The following ENTR1 variants were observed in gnomAD, a reference collection of about 807,000 sequenced individuals.
The protein encoded by ENTR1 is endosome associated trafficking regulator 1, also known as endosome-associated-trafficking regulator 1.
ENTR1 carries 47 observed loss-of-function variants against 47.9 expected under a neutral mutation model. The observed-to-expected ratio is 0.98, with a 90% confidence interval of 0.78 to 1.25. The LOEUF (loss-of-function observed/expected upper bound fraction) is 1.25, where lower values mean the gene tolerates loss of function less well. ENTR1 is among the 50% of genes most tolerant of loss of function. ENTR1 has a pLI of 0.00. For missense variants in ENTR1, 668 were observed against 570.5 expected (o/e 1.17, Z -1.74); for synonymous variants, 290 against 245.8 (o/e 1.18, Z -1.68).
intron 3 of ENTR1, among the ~76,000 whole-genome samples, chr9:136,408,217 G>A (rs1028023891): frequency 5.9e-5 from 9 of 152,152 alleles, no homozygotes; most frequent in South Asian, 2.1e-4. Context: ...GCTTTAAAAC[G>A]ACCCAAGCCA....
Position 136,404,142 on chromosome 9 carries a change from C to G in ENTR1, c.1121G>C (p.Gly374Ala), listed in dbSNP as rs1036553070. Reference sequence around the variant, plus strand: ...CTGCTTCACCACGGTCAGGCTGGCACCCTGGCCGCACCGCAGGGCTTCATT... The same window carrying G: ...CTGCTTCACCACGGTCAGGCTGGCAGCCTGGCCGCACCGCAGGGCTTCATT... Reference protein sequence around the residue: ...RENEALRCGQGASLTVVKQNA... With the variant: ...RENEALRCGQAASLTVVKQNA... Residue 374 changes from glycine to alanine, a missense_variant, in exon 9 of 10, where the codon GGT (glycine) becomes GCT (alanine). By Grantham distance (60) the Gly-to-Ala change is moderately conservative. Transcript: ENST00000357365. 9.3e-6 allele frequency: 15 copies of G among 1,612,952 alleles called. No homozygotes were observed. The Admixed American group carries it at 1.8e-4, about 20-fold the overall frequency.
Position 136,407,142 on chromosome 9 carries a change from T to A in ENTR1, c.819+3A>T, listed in dbSNP as rs932568063. The A allele has an allele frequency of 1.9e-6, 3 of 1,585,922 alleles. No individual in the cohort carries two copies. Among genetic ancestry groups the A allele is most frequent in the Admixed American group, 1.7e-5 (1 of 58,702 alleles). On this transcript the variant is annotated splice_donor_region_variant and intron_variant, in intron 5 of 9. Coordinates refer to ENST00000357365, the MANE Select transcript of ENTR1 (RefSeq NM_001039707.2). ...GCCAGAGGGCGCCGTGAGGCTCACTTACTGCGTCGTAACTTATCTGCAGCG... is the reference window on the plus strand; with the variant it reads ...GCCAGAGGGCGCCGTGAGGCTCACTAACTGCGTCGTAACTTATCTGCAGCG...
intron 9 of ENTR1, 96 bp downstream of exon 9, chr9:136,403,959 G>T: frequency 1.4e-6 from 2 of 1,397,486 alleles, no homozygotes; most frequent in Non-Finnish European, 1.9e-6. Flanking sequence ...TCCAGCCACG[G>T]TGCCATCAGC....
intron 3 of ENTR1, among the ~76,000 whole-genome samples, chr9:136,408,378 A>T (rs534749094): frequency 6.6e-6 from 1 of 151,920 alleles, no homozygotes; most frequent in Non-Finnish European, 1.5e-5. Context: ...GGAGACTGAG[A>T]CCATCCTGGC....
chr9:136,405,495 T>G (rs1006888275), intron 6 of ENTR1: 7 of 402,654 alleles, frequency 1.7e-5, no homozygotes, highest in African/African-American at 1.0e-4. Context: ...CCCAACACTT[T>G]AGGAGCCTGA....
At position 136,404,707 on chromosome 9, in the gene ENTR1, A is replaced by T. The variant is rs1834677661; in HGVS notation, c.1006-14T>A. The T allele has an allele frequency of 1.9e-6, 3 of 1,613,736 alleles. No individual in the cohort carries two copies. The highest frequency in any genetic ancestry group is 1.3e-5 in the African/African-American group (1 of 74,914). ...TACAGCCCGTTTCTGTTACCCAAAA[A>T]AGAAAAACCACAAAAAGCATCACTG... On this transcript the variant is annotated splice_polypyrimidine_tract_variant and intron_variant, in intron 7 of 9. Transcript: ENST00000357365.
At chr9:136,409,833 C>T in intron 2 of ENTR1, 1 of 619,194 alleles carries the variant, frequency 1.6e-6, no homozygotes, top group East Asian at 3.1e-5. Context: ...TCCAGCCCCA[C>T]GAGGAAAGCG....
At chr9:136,408,887 C>A (rs2131568650) in intron 3 of ENTR1, 112 bp downstream of exon 3, 18 of 756,858 alleles carry the variant, frequency 2.4e-5, no homozygotes, top group Non-Finnish European at 3.9e-5. Flanking sequence ...CCCACCTGCT[C>A]TTTTGGGCTC....
intron 2 of ENTR1, 111 bp downstream of exon 2, chr9:136,409,979 T>G: frequency 7.5e-7 from 1 of 1,332,194 alleles, no homozygotes; most frequent in Non-Finnish European, 1.1e-6. Context: ...TGGCACGCAG[T>G]GAGCGCTCTG....
Position 136,407,954 on chromosome 9 carries a change from T to A in ENTR1, c.290-16A>T. 4 of 1,496,442 alleles carry A rather than the reference T, an allele frequency of 2.7e-6. No individual in the cohort carries two copies. Among genetic ancestry groups the A allele is most frequent in the Non-Finnish European group, 3.7e-6 (4 of 1,073,640 alleles). 92.7% of individuals were successfully genotyped at this position (1,496,442 alleles called of 1,614,324 possible). A position where few individuals can be genotyped will look rare whatever the true frequency, so the allele number is the denominator to read the frequency against. On this transcript the variant is annotated splice_polypyrimidine_tract_variant and intron_variant, in intron 3 of 9. Coordinates refer to ENST00000357365, the MANE Select transcript of ENTR1 (RefSeq NM_001039707.2). ...AATCTGTCATCTGAAATAACAGACATCACAAATGCATAAAGTCTACTGAAG... is the reference window on the plus strand; with the variant it reads ...AATCTGTCATCTGAAATAACAGACAACACAAATGCATAAAGTCTACTGAAG...
intron 9 of ENTR1, 100 bp downstream of exon 9, chr9:136,403,955 C>T: frequency 1.4e-6 from 2 of 1,384,368 alleles, no homozygotes; most frequent in Non-Finnish European, 1.9e-6. Flanking sequence ...GTCCTCCAGC[C>T]ACGGTGCCAT....
intron 7 of ENTR1, 25 bp from the exon 8 acceptor site, chr9:136,404,718 C>G: frequency 1.9e-6 from 3 of 1,612,738 alleles, no homozygotes; most frequent in Non-Finnish European, 1.7e-6. Flanking sequence ...AGAAAAACCA[C>G]AAAAAGCATC....
intron 7 of ENTR1, 50 bp downstream of exon 7, chr9:136,405,041 G>A (rs375167141): frequency 3.7e-5 from 54 of 1,445,136 alleles, no homozygotes; most frequent in Middle Eastern, 2.3e-4. Context: ...ACTTTCTCAG[G>A]AGCGCTCCTG....
At chr9:136,407,122 A>G in intron 5 of ENTR1, 23 bp downstream of exon 5, 1 of 1,563,948 alleles carries the variant, frequency 6.4e-7, no homozygotes, top group Non-Finnish European at 8.7e-7. Flanking sequence ...GCTGTGCCAG[A>G]GGGCGCCGTG....
chr9:136,405,937 CTCAT>C lies in ENTR1; in HGVS notation c.857_860del (p.Asn286ArgfsTer13). 6.2e-7 allele frequency: 1 copy of C among 1,607,616 alleles called. No homozygotes were observed. ...TTTGAGCTTCAGAGAAGCTCTGAACCTCATTCAGCTTTCTTCTCAGCTTAGAATT... is the reference window on the plus strand; with the variant it reads ...TTTGAGCTTCAGAGAAGCTCTGAACCTCAGCTTTCTTCTCAGCTTAGAATT... On this transcript the variant is annotated frameshift_variant, in exon 6 of 10. Transcript: ENST00000357365. LOFTEE classifies it high-confidence loss of function.
chr9:136,403,593 G>T (rs1834616934), intron 9 of ENTR1, among the ~76,000 whole-genome samples: 1 of 152,062 alleles, frequency 6.6e-6, no homozygotes, highest in Non-Finnish European at 1.5e-5. Flanking sequence ...CTTGTTCACA[G>T]GGAGTGCTCT....
intron 9 of ENTR1, 100 bp downstream of exon 9, chr9:136,403,955 C>G (rs955883270): frequency 2.2e-6 from 3 of 1,384,368 alleles, no homozygotes; most frequent in Non-Finnish European, 2.9e-6. Context: ...GTCCTCCAGC[C>G]ACGGTGCCAT....
rs1192928758 is a variant in ENTR1 at position 136,404,127 on chromosome 9, A to G, written c.1136T>C (p.Val379Ala). 6.2e-7 allele frequency: 1 copy of G among 1,613,168 alleles called. No homozygotes were observed. The highest frequency in any genetic ancestry group is 1.3e-5 in the African/African-American group (1 of 74,978). The change falls in exon 9 of 10, where the codon GTG becomes GCG. Residue 379 changes from valine (V) to alanine (A), a missense_variant. Transcript: ENST00000357365. ...GGCCACGTCGGCGTTCTGCTTCACC[A>G]CGGTCAGGCTGGCACCCTGGCCGCA... ...LRCGQGASLT[V>A]VKQNADVALQ...
rs372652609 is a variant in ENTR1 at position 136,405,081 on chromosome 9, A to C, written c.1005+10T>G. ...ACCCAGCTCGTCCGATTCAGAGAAG[A>C]AACCCATACGGTCATCAGCTCCAGG... is the stretch of plus-strand genomic sequence containing the variant. On this transcript the variant is annotated intron_variant, in intron 7 of 9. Transcript: ENST00000357365. 1,915 of 1,608,436 alleles carry C rather than the reference A, an allele frequency of 1.2e-3. 1 individual carries two copies. The highest frequency in any genetic ancestry group is 1.4e-3 in the Non-Finnish European group (1,645 of 1,175,608).
Sources: allele counts gnomAD v4.1 joint callset (sites outside exome capture counted in the v4.1 genomes callset), GRCh38; gene constraint gnomAD v4.1.1; transcripts MANE v1.5; gene names NCBI Gene and HGNC (gene_info 2026-07-23, HGNC 2026-07-21).